Variants in MAPKAPK2 observed in about 807,000 individuals in gnomAD.
MAPKAPK2 encodes MAP kinase-activated protein kinase 2.
A neutral mutation model predicts 48.8 loss-of-function variants in MAPKAPK2; 9 were observed. The ratio of observed to expected loss-of-function variants is 0.18; its 90% CI spans 0.11 to 0.32. The LOEUF (loss-of-function observed/expected upper bound fraction) is 0.32. MAPKAPK2 is among the 10% of genes least tolerant of loss of function. MAPKAPK2 has a pLI of 1.00. For missense variants in MAPKAPK2, 331 were observed against 498.3 expected (o/e 0.66, Z 3.20); for synonymous variants, 202 against 190.6 (o/e 1.06, Z -0.49).
At chr1:206,687,710 C>T (rs1172968560) in intron 1 of MAPKAPK2, among the ~76,000 whole-genome samples, 1 of 152,188 alleles carries the variant, frequency 6.6e-6, no homozygotes, top group East Asian at 1.9e-4. Flanking sequence ...TTTTGATTAA[C>T]CTCAGGTGCT....
chr1:206,727,583 A>G (rs912922711), intron 1 of MAPKAPK2, among the ~76,000 whole-genome samples: 3 of 151,806 alleles, frequency 2.0e-5, no homozygotes, highest in African/African-American at 7.3e-5. Context: ...AGGAGAGATG[A>G]TGTACATTTC....
chr1:206,691,375 G>T (rs1313388229), intron 1 of MAPKAPK2, among the ~76,000 whole-genome samples: 1 of 151,528 alleles, frequency 6.6e-6, no homozygotes, highest in Non-Finnish European at 1.5e-5. Flanking sequence ...AAGAGAAGGG[G>T]CCATGTCACT....
intron 1 of MAPKAPK2, among the ~76,000 whole-genome samples, chr1:206,687,569 A>G (rs556404094): frequency 3.5e-4 from 53 of 152,352 alleles, no homozygotes; most frequent in African/African-American, 2.2e-4. Context: ...AGGCATTTGG[A>G]GACTGACAGC....
chr1:206,697,230 G>A (rs1672658731), intron 1 of MAPKAPK2, among the ~76,000 whole-genome samples: 1 of 152,172 alleles, frequency 6.6e-6, no homozygotes, highest in African/African-American at 2.4e-5. Context: ...GCATTTTCTA[G>A]TTAGCTACAG....
At chr1:206,714,126 C>T (rs1198261057) in intron 1 of MAPKAPK2, among the ~76,000 whole-genome samples, 2 of 152,152 alleles carry the variant, frequency 1.3e-5, no homozygotes, top group Non-Finnish European at 2.9e-5. Context: ...TGTTCAGCAG[C>T]CTGTCCTAGA....
chr1:206,727,462 A>G (rs1673737755), intron 1 of MAPKAPK2, among the ~76,000 whole-genome samples: 1 of 152,140 alleles, frequency 6.6e-6, no homozygotes, highest in South Asian at 2.1e-4. Flanking sequence ...GGCAGCGAGG[A>G]TCCAGGTGAT....
intron 1 of MAPKAPK2, among the ~76,000 whole-genome samples, chr1:206,689,201 A>G (rs528251598): frequency 7.2e-5 from 11 of 152,224 alleles, no homozygotes; most frequent in Non-Finnish European, 1.3e-4. Context: ...TAGAGAAAAC[A>G]AGGTCCTGTA....
chr1:206,697,872 T>C (rs1672678180), intron 1 of MAPKAPK2, among the ~76,000 whole-genome samples: 1 of 152,254 alleles, frequency 6.6e-6, no homozygotes, highest in Non-Finnish European at 1.5e-5. Flanking sequence ...CTACTAACTC[T>C]ACCTGTGTGG....
chr1:206,729,326 C>T (rs1373151251), intron 3 of MAPKAPK2, 70 bp from the exon 4 acceptor site: 2 of 1,362,612 alleles, frequency 1.5e-6, no homozygotes, highest in Non-Finnish European at 2.1e-6. Flanking sequence ...ACCCGGTGCA[C>T]TGGGTTTTCA....
intron 1 of MAPKAPK2, among the ~76,000 whole-genome samples, chr1:206,711,607 CTTTTTT>C (rs781793889): frequency 8.7e-6 from 1 of 115,504 alleles, no homozygotes; most frequent in East Asian, 2.6e-4. Flanking sequence ...CTACCTCATT[CTTTTTT>C]TTTTTTTTTT....
chr1:206,716,839 T>C (rs996680460), intron 1 of MAPKAPK2, among the ~76,000 whole-genome samples: 8 of 152,120 alleles, frequency 5.3e-5, no homozygotes, highest in Non-Finnish European at 8.8e-5. Context: ...ATGATCTTTC[T>C]CTTCTTGCCA....
At chr1:206,688,577 G>T (rs1672356167) in intron 1 of MAPKAPK2, among the ~76,000 whole-genome samples, 1 of 152,204 alleles carries the variant, frequency 6.6e-6, no homozygotes, top group Admixed American at 6.5e-5. Context: ...CCTTTTAAGA[G>T]AGTATTTGAT....
Position 206,731,955 on chromosome 1 carries a change from G to A in MAPKAPK2, c.1059+36G>A. 1.2e-6 allele frequency: 2 copies of A among 1,614,132 alleles called. No individual in the cohort carries two copies. The highest frequency in any genetic ancestry group is 1.1e-5 in the South Asian group (1 of 91,078). ...CCACTGGGTGAGAGGGGCTCCAGGTGGGGTGGGCGGCTTGCGGGGAGTGCC... is the reference window on the plus strand; with the variant it reads ...CCACTGGGTGAGAGGGGCTCCAGGTAGGGTGGGCGGCTTGCGGGGAGTGCC... On this transcript the variant is annotated intron_variant, in intron 9 of 9. Transcript: ENST00000367103. The surrounding 1 kb of genome is among the most constrained non-coding windows in gnomAD (Gnocchi z 5.9).
intron 1 of MAPKAPK2, among the ~76,000 whole-genome samples, chr1:206,701,030 A>G (rs993782276): frequency 2.6e-5 from 4 of 152,212 alleles, no homozygotes; most frequent in African/African-American, 9.7e-5. Context: ...CCTCTGGTAC[A>G]GCTGCTGCAG....
At chr1:206,710,278 A>G (rs1673097483) in intron 1 of MAPKAPK2, among the ~76,000 whole-genome samples, 1 of 152,214 alleles carries the variant, frequency 6.6e-6, no homozygotes, top group Non-Finnish European at 1.5e-5. Flanking sequence ...GATGCTCTTC[A>G]TGGTCACTGA....
At chr1:206,695,795 A>C in intron 1 of MAPKAPK2, 1 of 280,796 alleles carries the variant, frequency 3.6e-6, no homozygotes, top group African/African-American at 2.2e-5. Context: ...ACAGGAAGGT[A>C]ATTTATTAAC....
intron 1 of MAPKAPK2, among the ~76,000 whole-genome samples, chr1:206,728,377 C>T (rs1213912740): frequency 1.6e-4 from 24 of 152,128 alleles, no homozygotes; most frequent in Non-Finnish European, 2.2e-4. Context: ...CCCGAAGCCC[C>T]TTCACCCCCT....
In MAPKAPK2 at chr1:206,691,794, C is replaced by T. The variant is rs574924830; in HGVS notation, c.279+6286C>T. ...GCTTGCTGACTTGCTCCGGGTCTGACCATCAGCAGTATCTGGGTCAGCACA... is the reference window on the plus strand; with the variant it reads ...GCTTGCTGACTTGCTCCGGGTCTGATCATCAGCAGTATCTGGGTCAGCACA... On this transcript the variant is annotated intron_variant, in intron 1 of 9. Transcript: ENST00000367103. Among the ~76,000 whole-genome samples the T allele has an allele frequency of 7.2e-5, 11 of 152,166 alleles. No individual in the cohort carries two copies. The South Asian group carries it at 2.3e-3, about 32-fold the overall frequency.
chr1:206,686,928 A>G lies in MAPKAPK2; in HGVS notation c.279+1420A>G, dbSNP rs143253793. 7.8e-3 allele frequency among the ~76,000 whole-genome samples: 1,187 copies of G among 152,000 alleles called. 18 individuals carry two copies. The highest frequency in any genetic ancestry group is 0.027 in the African/African-American group (1,120 of 41,426). On this transcript the variant is annotated intron_variant, in intron 1 of 9. Coordinates refer to ENST00000367103, the MANE Select transcript of MAPKAPK2 (RefSeq NM_032960.4). ...GTTGGAGAGGGGATAAGTATCTTCA[A>G]CACTTCAACATTTGTGTCTTAGACT...
Sources: allele counts gnomAD v4.1 joint callset (sites outside exome capture counted in the v4.1 genomes callset), GRCh38; gene constraint gnomAD v4.1.1; non-coding constraint Gnocchi (gnomAD v3.1); transcripts MANE v1.5; gene names NCBI Gene and HGNC (gene_info 2026-07-23, HGNC 2026-07-21).